EDA: variants seen among roughly 807,000 people sequenced by gnomAD.
EDA encodes ectodysplasin A, also known as ectodysplasin-A.
A neutral mutation model predicts 23.6 loss-of-function variants in EDA; 2 were observed. The ratio of observed to expected loss-of-function variants is 0.08; its 90% CI spans 0.03 to 0.27. EDA has a LOEUF of 0.27. EDA is among the 10% of genes least tolerant of loss of function. The probability of loss-of-function intolerance (pLI) is 1.00; values close to 1 mark genes in which losing one functional copy is unlikely to be tolerated. For synonymous variants in EDA, 131 were observed against 132.0 expected, an observed-to-expected ratio of 0.99 and a Z score of 0.05; for missense variants, 229 against 324.2, an observed-to-expected ratio of 0.71 and a Z score of 2.26.
intron 1 of EDA, among the ~76,000 whole-genome samples, chrX:69,948,152 A>G (rs990414208): frequency 1.8e-5 from 2 of 112,325 alleles, no homozygotes; most frequent in African/African-American, 3.2e-5. Context: ...CCAAAATGGG[A>G]TCTAAGAAAA....
chrX:69,667,257 C>T (rs1046217472), intron 1 of EDA, among the ~76,000 whole-genome samples: 9 of 107,574 alleles, frequency 8.4e-5, no homozygotes, highest in Admixed American at 2.0e-4. Flanking sequence ...AGACTACAGG[C>T]GCCCACCACC....
At chrX:69,961,069 C>G (rs974414398) in intron 2 of EDA, among the ~76,000 whole-genome samples, 4 of 110,536 alleles carry the variant, frequency 3.6e-5, no homozygotes, top group Non-Finnish European at 5.7e-5. Context: ...AAGTCTAGAC[C>G]CTACTTCATT....
At chrX:69,978,266 C>T (rs6625554) in intron 2 of EDA, among the ~76,000 whole-genome samples, 9,027 of 90,795 alleles carry the variant, frequency 0.099, 846 homozygotes, top group East Asian at 0.64. Flanking sequence ...GAAGGATTGC[C>T]TGAGTTCAGG....
At chrX:70,029,830 G>A (rs777692000) in intron 5 of EDA, among the ~76,000 whole-genome samples, 40 of 112,507 alleles carry the variant, frequency 3.6e-4, no homozygotes, top group Non-Finnish European at 6.4e-4. Context: ...TAAGCTGCCA[G>A]TCAGACCTAT....
chrX:69,907,109 G>A (rs963209151), intron 1 of EDA, among the ~76,000 whole-genome samples: 2 of 111,876 alleles, frequency 1.8e-5, no homozygotes, highest in African/African-American at 6.5e-5. Flanking sequence ...AAGTGCTGCT[G>A]ATGGTTCCAC....
chrX:69,781,392 C>A (rs1445058325), intron 1 of EDA, among the ~76,000 whole-genome samples: 1 of 111,714 alleles, frequency 9.0e-6, no homozygotes, highest in East Asian at 2.8e-4. Flanking sequence ...ATCACAACCT[C>A]ACCAATACTT....
rs1436813166 is a variant in EDA at position 69,983,977 on chromosome X, C to T, written c.502+26845C>T. ...CAGGATTAAGAATCTCACTCAAAGCCGCTCCACTACATGGAAACTGAACAA... is the reference window on the plus strand; with the variant it reads ...CAGGATTAAGAATCTCACTCAAAGCTGCTCCACTACATGGAAACTGAACAA... On this transcript the variant is annotated intron_variant, in intron 2 of 7. Transcript: ENST00000374552. 1.1e-3 allele frequency among the ~76,000 whole-genome samples: 111 copies of T among 102,100 alleles called. 1 individual carries two copies. The highest frequency in any genetic ancestry group is 3.8e-3 in the African/African-American group (106 of 27,734). The allele number at this position is 102,100 out of a possible 115,157, so 88.7% of individuals were successfully genotyped here. A position where few individuals can be genotyped will look rare whatever the true frequency, so the allele number is the denominator to read the frequency against.
chrX:69,688,155 C>G (rs918872665), intron 1 of EDA, among the ~76,000 whole-genome samples: 3 of 111,757 alleles, frequency 2.7e-5, no homozygotes, highest in African/African-American at 9.8e-5. Flanking sequence ...GACTCAGCAC[C>G]TCATTCCTGA....
chrX:69,670,179 G>A lies in EDA; in HGVS notation c.396+53475G>A, dbSNP rs778798410. ...CTTGCTGGGTATAGTATTCTTGGCT[G>A]ACTGTTTTTTTTTTTTTTTTTTTCT... On this transcript the variant is annotated intron_variant, in intron 1 of 7. Coordinates refer to ENST00000374552, the MANE Select transcript of EDA (RefSeq NM_001399.5). The A allele has an allele frequency of 2.1e-5, 5 of 236,498 alleles. No homozygotes were observed. In the African/African-American group the frequency reaches 2.7e-4, roughly 13 times the overall value. The allele number at this position is 236,498 out of a possible 1,213,427, so 19.5% of individuals were successfully genotyped here.
chrX:69,914,826 C>T (rs888741012), intron 1 of EDA, among the ~76,000 whole-genome samples: 4 of 111,705 alleles, frequency 3.6e-5, no homozygotes, highest in Non-Finnish European at 7.5e-5. Context: ...CATATAATAC[C>T]AATTACTCCC....
In EDA at chrX:69,758,260, G is replaced by A. The variant is rs982855097; in HGVS notation, c.396+141556G>A. On this transcript the variant is annotated intron_variant, in intron 1 of 7. Coordinates refer to ENST00000374552, the MANE Select transcript of EDA (RefSeq NM_001399.5). The stretch of plus-strand genomic sequence containing the variant: ...AGCATTGTAATTCATCCAGATAATT[G>A]ATCATAAGCCAAAAGTTCCAGTTGG... 6.3e-5 allele frequency among the ~76,000 whole-genome samples: 7 copies of A among 111,805 alleles called. 1 individual carries two copies. Among genetic ancestry groups the A allele is most frequent in the Non-Finnish European group, 5.6e-5 (3 of 53,148 alleles).
chrX:70,030,657 C>T, intron 6 of EDA, 137 bp downstream of exon 6: 1 of 588,948 alleles, frequency 1.7e-6, no homozygotes, highest in Non-Finnish European at 2.8e-6. Flanking sequence ...TTTGCTCCAT[C>T]ATGCCCTCTA....
At chrX:69,713,051 C>T (rs1223828169) in intron 1 of EDA, among the ~76,000 whole-genome samples, 2 of 78,625 alleles carry the variant, frequency 2.5e-5, no homozygotes, top group Non-Finnish European at 4.6e-5. Flanking sequence ...CATCACACAC[C>T]GGGGCCTGTT....
At chrX:69,715,152 C>T (rs769391640) in intron 1 of EDA, among the ~76,000 whole-genome samples, 4 of 104,219 alleles carry the variant, frequency 3.8e-5, no homozygotes, top group Non-Finnish European at 7.8e-5. Flanking sequence ...AAACTCATGT[C>T]ACAGGAGTTT....
chrX:70,011,289 A>G (rs1418241605), intron 2 of EDA, among the ~76,000 whole-genome samples: 2 of 110,475 alleles, frequency 1.8e-5, no homozygotes, highest in Non-Finnish European at 3.8e-5. Flanking sequence ...TTTGTTTCAC[A>G]TATCCACATA....
At chrX:70,007,753 A>G (rs1420489630) in intron 2 of EDA, among the ~76,000 whole-genome samples, 1 of 111,646 alleles carries the variant, frequency 9.0e-6, no homozygotes, top group African/African-American at 3.3e-5. Flanking sequence ...AGGAAGACAC[A>G]ACATTATTAA....
At chrX:69,827,765 G>A (rs1380026439) in intron 1 of EDA, among the ~76,000 whole-genome samples, 3 of 111,955 alleles carry the variant, frequency 2.7e-5, no homozygotes, top group Non-Finnish European at 5.6e-5. Flanking sequence ...CTTTGGAGGA[G>A]GAGAGGCGCT....
chrX:70,011,441 G>A (rs1031080387), intron 2 of EDA, among the ~76,000 whole-genome samples: 8 of 106,927 alleles, frequency 7.5e-5, no homozygotes, highest in Admixed American at 6.1e-4. Context: ...AGCAATTCTC[G>A]TGCCTCAGCC....
intron 1 of EDA, among the ~76,000 whole-genome samples, chrX:69,618,520 C>A (rs1932062280): frequency 8.9e-6 from 1 of 111,835 alleles, no homozygotes; most frequent in Non-Finnish European, 1.9e-5. Context: ...TTATATGAGT[C>A]CATTTCGTTT....
Sources: allele counts gnomAD v4.1 joint callset (sites outside exome capture counted in the v4.1 genomes callset), GRCh38; gene constraint gnomAD v4.1.1; transcripts MANE v1.5; gene names NCBI Gene and HGNC (gene_info 2026-07-23, HGNC 2026-07-21).